The following GABRB1 variants were observed in gnomAD, a reference collection of about 807,000 sequenced individuals.
GABRB1 encodes the protein gamma-aminobutyric acid type A receptor subunit beta1, also known as gamma-aminobutyric acid receptor subunit beta-1.
In GABRB1, 17 loss-of-function variants were observed where a neutral mutation model predicts 51.6. The ratio of observed to expected loss-of-function variants is 0.33; its 90% confidence interval spans 0.23 to 0.49. GABRB1 has a LOEUF of 0.49. Among genes scored for constraint, GABRB1 ranks in the 20% least tolerant of loss-of-function variants. The probability of loss-of-function intolerance (pLI) is 0.99; values close to 1 mark genes in which losing one functional copy is unlikely to be tolerated. For synonymous variants in GABRB1, 247 were observed against 218.9 expected (o/e 1.13, Z -1.14); for missense variants, 410 against 600.6 (o/e 0.68, Z 3.32).
chr4:47,404,169 A>G (rs1202110480), intron 7 of GABRB1, among the ~76,000 whole-genome samples: 1 of 152,198 alleles, frequency 6.6e-6, no homozygotes, highest in African/African-American at 2.4e-5. Context: ...ATTAAATCGT[A>G]TCAAGCCACG....
rs1320546358 is a variant in GABRB1 at position 47,113,357 on chromosome 4, G to C, written c.241-47892G>C. ...GCTGGGATCGTGCCACTGCACTCCA[G>C]CCTGGGTGACAGAGTGAGACTTCGT... On this transcript the variant is annotated intron_variant, in intron 3 of 8. Transcript: ENST00000295454. Among the ~76,000 whole-genome samples, 5 of 143,388 alleles carry C rather than the reference G, an allele frequency of 3.5e-5. No homozygotes were observed. The East Asian group carries it at 1.0e-3, about 29-fold the overall frequency. The allele number at this position is 143,388 out of a possible 152,430, so 94.1% of individuals were successfully genotyped here.
intron 3 of GABRB1, among the ~76,000 whole-genome samples, chr4:47,039,205 A>G (rs1725723239): frequency 6.6e-6 from 1 of 151,822 alleles, no homozygotes. Flanking sequence ...TAGAGTCCTC[A>G]GAGTCTTCAT....
At chr4:47,406,594 A>C (rs1728576731) in intron 7 of GABRB1, 88 bp from the exon 8 acceptor site, 1 of 1,517,640 alleles carries the variant, frequency 6.6e-7, no homozygotes, top group Non-Finnish European at 9.1e-7. Context: ...ACCAATAAGG[A>C]AGTGGCAAAT....
At chr4:47,004,589 C>G (rs1004368517) in intron 1 of GABRB1, among the ~76,000 whole-genome samples, 1 of 152,104 alleles carries the variant, frequency 6.6e-6, no homozygotes, top group Non-Finnish European at 1.5e-5. Flanking sequence ...AAAGGATATA[C>G]TTTAGGGTTG....
chr4:47,127,847 C>T (rs528531910), intron 3 of GABRB1, among the ~76,000 whole-genome samples: 5 of 151,758 alleles, frequency 3.3e-5, no homozygotes, highest in African/African-American at 1.2e-4. Flanking sequence ...AAAGCAACCA[C>T]TTAAAAAGTT....
chr4:47,037,088 G>A (rs1002771046), intron 3 of GABRB1, among the ~76,000 whole-genome samples: 4 of 152,104 alleles, frequency 2.6e-5, no homozygotes, highest in African/African-American at 7.2e-5. Flanking sequence ...CTTCTTTTCT[G>A]TATTAATACC....
chr4:47,092,195 C>T (rs1339713528), intron 3 of GABRB1, among the ~76,000 whole-genome samples: 3 of 70,464 alleles, frequency 4.3e-5, no homozygotes, highest in South Asian at 5.0e-4. Flanking sequence ...TTTTTGAGAC[C>T]GAGTTTTGCT....
intron 3 of GABRB1, among the ~76,000 whole-genome samples, chr4:47,159,623 T>A (rs1257485001): frequency 6.6e-6 from 1 of 152,074 alleles, no homozygotes; most frequent in Non-Finnish European, 1.5e-5. Flanking sequence ...CAAGAAAGAA[T>A]GTCTTTAAAT....
At chr4:47,024,933 C>CATATAT (rs34532575) in intron 1 of GABRB1, among the ~76,000 whole-genome samples, 1,347 of 86,196 alleles carry the variant, frequency 0.016, 198 homozygotes, top group South Asian at 0.029. Flanking sequence ...AGTATTCCAT[C>CATATAT]ATATATATAT....
intron 5 of GABRB1, among the ~76,000 whole-genome samples, chr4:47,347,283 GATAATA>G (rs1000146668): frequency 1.3e-5 from 2 of 151,204 alleles, no homozygotes; most frequent in African/African-American, 4.9e-5. Context: ...CCATCTCACA[GATAATA>G]ATAATAATAA....
intron 5 of GABRB1, among the ~76,000 whole-genome samples, chr4:47,366,532 C>A (rs980369228): frequency 2.0e-5 from 3 of 152,148 alleles, no homozygotes; most frequent in African/African-American, 7.2e-5. Flanking sequence ...ATAAATTCAA[C>A]CATTTGAGAT....
chr4:47,224,496 A>G (rs1022407071), intron 4 of GABRB1, among the ~76,000 whole-genome samples: 15 of 152,088 alleles, frequency 9.9e-5, no homozygotes, highest in African/African-American at 3.6e-4. Flanking sequence ...AAAAGGAGAA[A>G]TCACAGGTAG....
intron 4 of GABRB1, among the ~76,000 whole-genome samples, chr4:47,175,704 T>C (rs976807581): frequency 2.0e-5 from 3 of 152,198 alleles, no homozygotes; most frequent in South Asian, 2.1e-4. Context: ...ATGAGAAATA[T>C]GTGTGCAGTA....
intron 4 of GABRB1, among the ~76,000 whole-genome samples, chr4:47,282,466 G>T (rs146872229): frequency 2.0e-5 from 3 of 151,934 alleles, no homozygotes; most frequent in Admixed American, 6.6e-5. Flanking sequence ...TGCTCTTGAA[G>T]ATCACAACCA....
At chr4:47,214,816 T>A (rs553360641) in intron 4 of GABRB1, among the ~76,000 whole-genome samples, 1 of 152,242 alleles carries the variant, frequency 6.6e-6, no homozygotes, top group East Asian at 1.9e-4. Flanking sequence ...GGCTAACGAA[T>A]GTTGTGGCAG....
chr4:47,411,223 T>C (rs1284800756), intron 8 of GABRB1, among the ~76,000 whole-genome samples: 5 of 152,054 alleles, frequency 3.3e-5, no homozygotes, highest in Non-Finnish European at 7.4e-5. Context: ...TCATAAGAAA[T>C]AGCCCAAAAC....
At chr4:47,263,726 G>A (rs998087238) in intron 4 of GABRB1, among the ~76,000 whole-genome samples, 3 of 152,146 alleles carry the variant, frequency 2.0e-5, no homozygotes, top group African/African-American at 7.2e-5. Flanking sequence ...TAGGTTAGAA[G>A]TCTATAAATG....
At chr4:47,381,736 T>A (rs551951522) in intron 5 of GABRB1, among the ~76,000 whole-genome samples, 5 of 152,342 alleles carry the variant, frequency 3.3e-5, no homozygotes, top group African/African-American at 1.2e-4. Context: ...TGACTTTTTC[T>A]TTCCTGTCTA....
intron 3 of GABRB1, among the ~76,000 whole-genome samples, chr4:47,055,457 G>T (rs1018959208): frequency 2.0e-5 from 3 of 152,164 alleles, no homozygotes; most frequent in African/African-American, 7.2e-5. Context: ...GCACTCAAGT[G>T]GTAACCGAGC....
Sources: allele counts gnomAD v4.1 joint callset (sites outside exome capture counted in the v4.1 genomes callset), GRCh38; gene constraint gnomAD v4.1.1; transcripts MANE v1.5; gene names NCBI Gene and HGNC (gene_info 2026-07-23, HGNC 2026-07-21).